The following XPC variants were observed in gnomAD, a reference collection of about 807,000 sequenced individuals.
XPC encodes the protein DNA repair protein complementing XP-C cells.
A neutral mutation model predicts 95.8 loss-of-function variants in XPC; 76 were observed. The observed-to-expected ratio is 0.79, with a 90% CI of 0.66 to 0.96. The LOEUF is 0.96. XPC is among the 40% of genes least tolerant of loss of function. The probability of loss-of-function intolerance (pLI) is 0.00; values close to 1 mark genes in which losing one functional copy is unlikely to be tolerated. For synonymous variants in XPC, 442 were observed against 442.1 expected, an observed-to-expected ratio of 1.00 and a Z score of 0.00; for missense variants, 1,146 against 1,179.8, an observed-to-expected ratio of 0.97 and a Z score of 0.42.
At chr3:14,161,884 G>C (rs77828897) in intron 7 of XPC, among the ~76,000 whole-genome samples, 1 of 152,010 alleles carries the variant, frequency 6.6e-6, no homozygotes, top group East Asian at 1.9e-4. Flanking sequence ...TAGATGGCAT[G>C]ATCCTATACA....
chr3:14,165,755 C>A, intron 5 of XPC, 170 bp from the exon 6 acceptor site: 2 of 721,744 alleles, frequency 2.8e-6, no homozygotes, highest in South Asian at 3.7e-5. Context: ...TGTCTTTGAC[C>A]CTCTCTTTTT....
chr3:14,147,818 G>T, intron 14 of XPC, 90 bp downstream of exon 14: 2 of 1,162,642 alleles, frequency 1.7e-6, no homozygotes, highest in Non-Finnish European at 2.5e-6. Context: ...GAGCCTGGGA[G>T]CACACGGAGG....
chr3:14,163,412 T>A (rs1041218597), intron 7 of XPC, among the ~76,000 whole-genome samples: 20 of 152,216 alleles, frequency 1.3e-4, no homozygotes, highest in African/African-American at 4.8e-4. Flanking sequence ...GGAATATTAT[T>A]CAGCTATAAA....
chr3:14,148,560 A>G lies in XPC; in HGVS notation c.2420+2T>C, dbSNP rs778987248. The G allele has an allele frequency of 2.5e-6, 4 of 1,613,658 alleles. No individual in the cohort carries two copies. The highest frequency in any genetic ancestry group is 8.5e-7 in the Non-Finnish European group (1 of 1,179,784). ...AGCCTCCATCGAAGGCCCCTCACGC[A>G]CACGGGATGGGAGTAGCCGCCATGG... On this transcript the variant is annotated splice_donor_variant, in intron 13 of 15. Coordinates refer to ENST00000285021, the MANE Select transcript of XPC (RefSeq NM_004628.5). LOFTEE classifies it high-confidence loss of function.
chr3:14,160,594 A>G (rs963144761), intron 7 of XPC, among the ~76,000 whole-genome samples: 1 of 152,236 alleles, frequency 6.6e-6, no homozygotes, highest in African/African-American at 2.4e-5. Context: ...AAATTTCCAA[A>G]GTGTCAAGGT....
intron 8 of XPC, among the ~76,000 whole-genome samples, chr3:14,159,269 C>T (rs549692230): frequency 1.8e-4 from 27 of 152,296 alleles, no homozygotes; most frequent in African/African-American, 5.8e-4. Flanking sequence ...CTTGGACATA[C>T]GCATTTTGCA....
In XPC at chr3:14,165,601, G is replaced by A. The variant is rs3731111; in HGVS notation, c.622-16C>T. ...GAAGGTGAACCTGTGAAGAGGAAAGGAGGAAGGGGCAGCATGGAAGGAAGG... is the reference window on the plus strand; with the variant it reads ...GAAGGTGAACCTGTGAAGAGGAAAGAAGGAAGGGGCAGCATGGAAGGAAGG... On this transcript the variant is annotated splice_polypyrimidine_tract_variant and intron_variant, in intron 5 of 15. Transcript: ENST00000285021. 6.2e-7 allele frequency: 1 copy of A among 1,612,974 alleles called. No individual in the cohort carries two copies. The highest frequency in any genetic ancestry group is 1.7e-5 in the Admixed American group (1 of 59,924).
At chr3:14,170,343 CA>C (rs1462220317) in intron 3 of XPC, 94 bp downstream of exon 3, 21 of 1,212,436 alleles carry the variant, frequency 1.7e-5, no homozygotes, top group African/African-American at 4.5e-5. Flanking sequence ...CAAAAGAAAA[CA>C]AAAGGATTGC....
chr3:14,173,798 G>C (rs1301436886), intron 1 of XPC, among the ~76,000 whole-genome samples: 3 of 152,064 alleles, frequency 2.0e-5, no homozygotes, highest in African/African-American at 4.8e-5. Flanking sequence ...GGCAGGGAAG[G>C]ATAGTTTTCT....
In XPC at chr3:14,145,838, C is replaced by A; in HGVS notation, c.*103G>T. 1 of 1,433,848 alleles carries A rather than the reference C, an allele frequency of 7.0e-7. No homozygotes were observed. Among genetic ancestry groups the A allele is most frequent in the Non-Finnish European group, 9.6e-7 (1 of 1,040,790 alleles). 88.8% of individuals were successfully genotyped at this position (1,433,848 alleles called of 1,614,324 possible). A position where few individuals can be genotyped will look rare whatever the true frequency, so the allele number is the denominator to read the frequency against. The stretch of plus-strand genomic sequence containing the variant: ...ATGCTGCCTCAGTTTGCCTTCTCAG[C>A]AGAGAAGCCCCCACCACCAGGGGCT... On this transcript the variant is annotated 3_prime_UTR_variant, in exon 16 of 16. Coordinates refer to ENST00000285021, the MANE Select transcript of XPC (RefSeq NM_004628.5).
In XPC at chr3:14,145,969, G is replaced by A. The variant is rs2125004545; in HGVS notation, c.2795C>T (p.Ser932Phe). 6.2e-7 allele frequency: 1 copy of A among 1,608,480 alleles called. No individual in the cohort carries two copies. The highest frequency in any genetic ancestry group is 8.5e-7 in the Non-Finnish European group (1 of 1,175,866). The change falls in exon 16 of 16, where the codon TCC (serine) becomes TTC (phenylalanine). Residue 932 changes from serine to phenylalanine, a missense_variant. Physicochemically the swap from Ser to Phe is radical, Grantham distance 155. Coordinates refer to ENST00000285021, the MANE Select transcript of XPC (RefSeq NM_004628.5). ...KTKREKKAAA[S>F]HLFPFEQL ...CAGCTGCTCAAATGGGAACAGGTGG[G>A]AAGCTGCTGCTTTCTTTTCCCTTTT...
At chr3:14,168,745 C>A (rs1014111329) in intron 3 of XPC, among the ~76,000 whole-genome samples, 17 of 151,840 alleles carry the variant, frequency 1.1e-4, no homozygotes, top group African/African-American at 4.1e-4. Flanking sequence ...TGAGAATAAT[C>A]TCCTTTTCTC....
intron 7 of XPC, chr3:14,160,031 C>T (rs1696106850): frequency 3.8e-6 from 2 of 529,836 alleles, no homozygotes; most frequent in Non-Finnish European, 3.3e-6. Flanking sequence ...CAGGAACATG[C>T]TCATCATATA....
chr3:14,146,118 G>A lies in XPC; in HGVS notation c.2646C>T (p.Leu882=). 1 of 1,611,664 alleles carries A rather than the reference G, an allele frequency of 6.2e-7. No individual in the cohort carries two copies. Among genetic ancestry groups the A allele is most frequent in the Non-Finnish European group, 8.5e-7 (1 of 1,179,360 alleles). Residue 882 remains leucine (L), a synonymous_variant, in exon 16 of 16, where the codon CTC becomes CTT. Coordinates refer to ENST00000285021, the MANE Select transcript of XPC (RefSeq NM_004628.5). ...AAPHTDAGGG[L]SSDEEEGTSS... is the part of the protein sequence containing the mutation. The stretch of plus-strand genomic sequence containing the variant: ...TGGTCCCCTCCTCTTCATCAGAAGA[G>A]AGTCCACCTCCTGCATCTGTGTGGG...
intron 14 of XPC, chr3:14,147,594 TAC>T (rs1695492543): frequency 1.6e-6 from 1 of 613,672 alleles, no homozygotes; most frequent in Admixed American, 3.0e-5. Flanking sequence ...TTTTAATCGT[TAC>T]TGACTCCAAA....
At chr3:14,171,066 C>A (rs554805509) in intron 2 of XPC, among the ~76,000 whole-genome samples, 1 of 152,256 alleles carries the variant, frequency 6.6e-6, no homozygotes, top group South Asian at 2.1e-4. Flanking sequence ...TCATAAATAA[C>A]AAGAGACATA....
chr3:14,148,761 C>A, intron 12 of XPC, 30 bp from the exon 13 acceptor site: 2 of 1,613,726 alleles, frequency 1.2e-6, no homozygotes, highest in Non-Finnish European at 1.7e-6. Context: ...CAGCATTTGG[C>A]CAGCAGGGGA....
intron 11 of XPC, 96 bp from the exon 12 acceptor site, chr3:14,149,044 G>A: frequency 6.5e-7 from 1 of 1,547,226 alleles, no homozygotes; most frequent in Non-Finnish European, 8.8e-7. Context: ...CCTGGTACCT[G>A]GTGAACCCTC....
At chr3:14,149,089 C>CTTT (rs111520695) in intron 11 of XPC, 141 bp from the exon 12 acceptor site, 16 of 994,152 alleles carry the variant, frequency 1.6e-5, no homozygotes, top group Middle Eastern at 3.4e-4. Context: ...CTTTTTCTCC[C>CTTT]TTTTTTTTTT....
Sources: gnomAD v4.1 joint callset for allele counts (sites outside exome capture counted in the v4.1 genomes callset) on GRCh38, gnomAD v4.1.1 for gene constraint, MANE v1.5 for transcripts, NCBI Gene and HGNC (gene_info 2026-07-23, HGNC 2026-07-21) for gene names.